Variants in SRP72 observed in about 807,000 individuals in gnomAD.
SRP72 encodes the protein signal recognition particle subunit SRP72.
A neutral mutation model predicts 96.3 loss-of-function variants in SRP72; 49 were observed. The observed-to-expected ratio is 0.51, with a 90% confidence interval of 0.40 to 0.65. SRP72 has a LOEUF of 0.65. SRP72 is among the 30% of genes least tolerant of loss of function. The pLI, the probability that SRP72 is intolerant of heterozygous loss-of-function variation, is 0.00. For synonymous variants in SRP72, 267 were observed against 275.2 expected (o/e 0.97, Z 0.30); for missense variants, 736 against 793.3 (o/e 0.93, Z 0.87).
At chr4:56,467,773 G>GGC in intron 1 of SRP72, 29 bp downstream of exon 1, 183 of 1,078,098 alleles carry the variant, frequency 1.7e-4, no homozygotes, top group Middle Eastern at 2.2e-4. Context: ...ACTGGGGCGG[G>GGC]CCCAGGCCGG....
At chr4:56,476,582 C>T (rs548199293) in intron 5 of SRP72, 89 bp from the exon 6 acceptor site, 17 of 1,382,756 alleles carry the variant, frequency 1.2e-5, no homozygotes, top group Middle Eastern at 1.9e-4. Context: ...GAATCTTCTG[C>T]TTAGGAATTT....
At chr4:56,474,902 C>T (rs1720146442) in intron 5 of SRP72, among the ~76,000 whole-genome samples, 1 of 152,286 alleles carries the variant, frequency 6.6e-6, no homozygotes, top group South Asian at 2.1e-4. Context: ...CCAGGCTAGT[C>T]TCAAATTCCT....
chr4:56,498,132 G>C (rs984324432), intron 17 of SRP72, among the ~76,000 whole-genome samples: 73 of 151,728 alleles, frequency 4.8e-4, no homozygotes, highest in Admixed American at 4.4e-3. Context: ...TTTTTTTATA[G>C]ATGTATCTGT....
At chr4:56,499,094 G>A (rs924800661) in intron 17 of SRP72, among the ~76,000 whole-genome samples, 1 of 152,118 alleles carries the variant, frequency 6.6e-6, no homozygotes, top group African/African-American at 2.4e-5. Flanking sequence ...ACAGAATAGA[G>A]GCCTCAGAAA....
At chr4:56,484,613 T>G (rs1231358452) in intron 9 of SRP72, 123 bp from the exon 10 acceptor site, 4 of 1,264,222 alleles carry the variant, frequency 3.2e-6, no homozygotes, top group Non-Finnish European at 4.5e-6. Context: ...TCTCTTACCC[T>G]AGGCAGTTCT....
chr4:56,469,785 A>C lies in SRP72; in HGVS notation c.230+12A>C. 1 of 1,601,850 alleles carries C rather than the reference A, an allele frequency of 6.2e-7. No individual in the cohort carries two copies. The highest frequency in any genetic ancestry group is 8.5e-7 in the Non-Finnish European group (1 of 1,170,804). ...AAAGTGTTAGCCAAGTAAGTGATTC[A>C]GTTAGTTGCTTGTACAGTTATTAGA... On this transcript the variant is annotated intron_variant, in intron 2 of 18. Coordinates refer to ENST00000642900, the MANE Select transcript of SRP72 (RefSeq NM_006947.4).
At position 56,477,297 on chromosome 4, in the gene SRP72, C is replaced by CTTTTTTTTTTTTT. The variant is rs1560677869; in HGVS notation, c.642+596_642+597insTTTTTTTTTTTTT. ...CACATTCATAGTTCTCTCTCTCTCTCTCTCTTTTTTTTTTTTTTTTTTTTT... is the reference window on the plus strand; with the variant it reads ...CACATTCATAGTTCTCTCTCTCTCTCTTTTTTTTTTTTTTCTCTTTTTTTTTTTTTTTTTTTTT... On this transcript the variant is annotated intron_variant, in intron 6 of 18. Transcript: ENST00000642900. 2.0e-3 allele frequency: 231 copies of CTTTTTTTTTTTTT among 114,658 alleles called. 3 individuals carry two copies. The highest frequency in any genetic ancestry group is 3.0e-3 in the Admixed American group (28 of 9,418). The allele number at this position is 114,658 out of a possible 1,614,324, so 7.1% of individuals were successfully genotyped here.
At chr4:56,475,306 C>A (rs1312841526) in intron 5 of SRP72, among the ~76,000 whole-genome samples, 2 of 152,026 alleles carry the variant, frequency 1.3e-5, no homozygotes, top group African/African-American at 2.4e-5. Context: ...CCTATAATCC[C>A]AGCACTTTTG....
chr4:56,476,825 A>C, intron 6 of SRP72, 123 bp downstream of exon 6: 3 of 900,716 alleles, frequency 3.3e-6, no homozygotes, highest in Non-Finnish European at 5.1e-6. Flanking sequence ...TAGGAATCAC[A>C]CTAGAAACCA....
At chr4:56,487,661 A>G (rs1242042053) in intron 11 of SRP72, among the ~76,000 whole-genome samples, 1 of 152,176 alleles carries the variant, frequency 6.6e-6, no homozygotes, top group African/African-American at 2.4e-5. Flanking sequence ...ATAGAACTCA[A>G]CAGACTGGGA....
intron 16 of SRP72, among the ~76,000 whole-genome samples, chr4:56,493,574 A>G (rs1311654889): frequency 6.6e-6 from 1 of 152,020 alleles, no homozygotes; most frequent in Non-Finnish European, 1.5e-5. Context: ...TCTCAAAAGA[A>G]CTTGAGCCCT....
intron 16 of SRP72, among the ~76,000 whole-genome samples, chr4:56,494,477 C>T (rs1721012505): frequency 6.7e-6 from 1 of 149,960 alleles, no homozygotes; most frequent in South Asian, 2.1e-4. Context: ...CAATCTCGCT[C>T]ACTGCAGCCT....
chr4:56,479,326 C>A (rs1720377778), intron 8 of SRP72, among the ~76,000 whole-genome samples: 1 of 151,706 alleles, frequency 6.6e-6, no homozygotes, highest in Non-Finnish European at 1.5e-5. Flanking sequence ...ACTACAGGCA[C>A]CCGCCACCAT....
In SRP72 at chr4:56,476,642, C is replaced by T. The variant is rs962819683; in HGVS notation, c.611-29C>T. 3 of 1,610,582 alleles carry T rather than the reference C, an allele frequency of 1.9e-6. No homozygotes were observed. In the South Asian group the frequency reaches 3.3e-5, roughly 18 times the overall value. ...AAGAAATGGGATTTACCCAGCAATA[C>T]TACTTTTAAAACAATTTTTCTCCTG... On this transcript the variant is annotated intron_variant, in intron 5 of 18. Coordinates refer to ENST00000642900, the MANE Select transcript of SRP72 (RefSeq NM_006947.4).
At chr4:56,489,816 T>G (rs930830941) in intron 13 of SRP72, among the ~76,000 whole-genome samples, 1 of 152,162 alleles carries the variant, frequency 6.6e-6, no homozygotes, top group Admixed American at 6.6e-5. Context: ...AGCCCATGGG[T>G]GGTAGTAATT....
intron 1 of SRP72, among the ~76,000 whole-genome samples, chr4:56,468,800 G>A (rs546778327): frequency 4.5e-4 from 68 of 152,292 alleles, no homozygotes; most frequent in African/African-American, 1.6e-3. Context: ...AACCAGTACT[G>A]TATACTTAGT....
chr4:56,487,979 G>T lies in SRP72; in HGVS notation c.1190G>T (p.Arg397Ile). ...GNISKACLIL[R>I]SIEELKHKPG... ...ATTTCTAAAGCATGTCTAATATTGA[G>T]AAGCATAGAGGAGTTAAAGCATAAA... Residue 397 changes from arginine to isoleucine, a missense_variant, in exon 12 of 19, where the codon AGA (arginine) becomes ATA (isoleucine). Physicochemically the swap from Arg to Ile is moderately conservative, Grantham distance 97. This residue lies in a region of SRP72 where 388 missense variants were observed against 431.8 expected (regional missense o/e 0.90). Coordinates refer to ENST00000642900, the MANE Select transcript of SRP72 (RefSeq NM_006947.4). 6.2e-7 allele frequency: 1 copy of T among 1,601,404 alleles called. No homozygotes were observed. The highest frequency in any genetic ancestry group is 8.5e-7 in the Non-Finnish European group (1 of 1,176,750).
rs779131373 is a variant in SRP72 at position 56,467,675 on chromosome 4, C to T, written c.40C>T (p.Leu14=). ...GGSGGVSVPA[L]WSEVNRYGQN... ...CAGCGGGGGGGTGTCAGTACCTGCG[C>T]TGTGGAGTGAAGTGAACCGGTATGG... The change falls in exon 1 of 19, where the codon CTG becomes TTG. Residue 14 remains leucine, a synonymous_variant. Transcript: ENST00000642900. 27 of 1,566,082 alleles carry T rather than the reference C, an allele frequency of 1.7e-5. No individual in the cohort carries two copies. Among genetic ancestry groups the T allele is most frequent in the African/African-American group, 5.6e-5 (4 of 71,348 alleles).
At chr4:56,481,553 G>A (rs1720483610) in intron 8 of SRP72, among the ~76,000 whole-genome samples, 1 of 151,744 alleles carries the variant, frequency 6.6e-6, no homozygotes, top group African/African-American at 2.4e-5. Context: ...GGGGCTTTAG[G>A]AAAGGAAAAA....
Sources: gnomAD v4.1 joint callset for allele counts (sites outside exome capture counted in the v4.1 genomes callset) on GRCh38, gnomAD v4.1.1 for gene constraint, gnomAD v4.1.1 regional missense constraint, MANE v1.5 for transcripts, NCBI Gene and HGNC (gene_info 2026-07-23, HGNC 2026-07-21) for gene names.